Variants in ZNF880 observed in about 807,000 individuals in gnomAD.
ZNF880 encodes the protein zinc finger protein LOC400713.
A neutral mutation model predicts 11.8 loss-of-function variants in ZNF880; 12 were observed. The observed-to-expected ratio is 1.02, with a 90% CI of 0.65 to 1.65. The LOEUF is 1.65. Among genes scored for constraint, ZNF880 ranks in the 40% most tolerant of loss-of-function variants. ZNF880 has a pLI of 0.00. For missense variants in ZNF880, 601 were observed against 673.9 expected, an observed-to-expected ratio of 0.89 and a Z score of 1.20; for synonymous variants, 210 against 232.4, an observed-to-expected ratio of 0.90 and a Z score of 0.88.
chr19:52,383,504 G>A (rs928817324), intron 3 of ZNF880, among the ~76,000 whole-genome samples: 4 of 152,148 alleles, frequency 2.6e-5, no homozygotes, highest in Admixed American at 6.6e-5. Context: ...TTTTCCTGGC[G>A]TGTGGAAGTA....
chr19:52,382,298 A>G (rs1248149716), intron 3 of ZNF880, among the ~76,000 whole-genome samples: 1 of 152,162 alleles, frequency 6.6e-6, no homozygotes, highest in Non-Finnish European at 1.5e-5. Context: ...AAAAACCATT[A>G]AAAGTCAAGT....
At chr19:52,380,937 CA>C (rs1272971088) in intron 3 of ZNF880, among the ~76,000 whole-genome samples, 3 of 152,106 alleles carry the variant, frequency 2.0e-5, no homozygotes, top group African/African-American at 7.2e-5. Context: ...CTCAGCCTTG[CA>C]AAGTGTTGGA....
the ZNF880 span, chr19:52,392,855 GCT>G: frequency 5.9e-6 from 1 of 169,112 alleles, no homozygotes; most frequent in African/African-American, 2.4e-5. Flanking sequence ...ACAGGGTCTT[GCT>G]CTGTTAGCCA....
At chr19:52,386,190 A>C (rs1986883601), downstream of ZNF880, among the ~76,000 whole-genome samples, 1 of 136,074 alleles carries the variant, frequency 7.3e-6, no homozygotes, top group African/African-American at 3.0e-5. Context: ...AAAAAAAAAG[A>C]AAGAAAAAGA....
the ZNF880 span, chr19:52,395,394 G>A: frequency 6.6e-6 from 1 of 152,202 alleles, no homozygotes; most frequent in Non-Finnish European, 1.5e-5. Context: ...AGTTGAGGAA[G>A]TTTCCCATGA....
chr19:52,376,886 A>G (rs1238635472), intron 3 of ZNF880, among the ~76,000 whole-genome samples: 1 of 152,060 alleles, frequency 6.6e-6, no homozygotes, highest in Middle Eastern at 3.2e-3. Context: ...TCTGGATATT[A>G]GTCCTTTGTC....
At chr19:52,388,282 CTTTTTTTTTT>C (rs68179783), downstream of ZNF880, among the ~76,000 whole-genome samples, 166 of 63,416 alleles carry the variant, frequency 2.6e-3, 8 homozygotes, top group African/African-American at 0.013. Context: ...GCAATTTGAA[CTTTTTTTTTT>C]TTTTTTTTTT....
chr19:52,370,218 T>G, intron 1 of ZNF880: 2 of 566,914 alleles, frequency 3.5e-6, no homozygotes, highest in South Asian at 2.1e-5. Context: ...GTCGCGGAGT[T>G]TGCCTGCTTC....
At position 52,383,841 on chromosome 19, in the gene ZNF880, T is replaced by C. The variant is rs1334938944; in HGVS notation, c.269-8T>C. On this transcript the variant is annotated splice_polypyrimidine_tract_variant and splice_region_variant and intron_variant, in intron 3 of 3. Coordinates refer to ENST00000422689, the MANE Select transcript of ZNF880 (RefSeq NM_001145434.2). ...GGTTGAAGTTCCACTTTTTTCTTTC[T>C]TTTTTAGAGAGCAGCTCTAAATTGG... 2.0e-6 allele frequency: 3 copies of C among 1,516,308 alleles called. No homozygotes were observed. Among genetic ancestry groups the C allele is most frequent in the South Asian group, 2.6e-5 (2 of 76,616 alleles). 93.9% of individuals were successfully genotyped at this position (1,516,308 alleles called of 1,614,324 possible). A position where few individuals can be genotyped will look rare whatever the true frequency, so the allele number is the denominator to read the frequency against.
intron 3 of ZNF880, among the ~76,000 whole-genome samples, chr19:52,382,478 C>T (rs997415208): frequency 6.6e-6 from 1 of 152,038 alleles, no homozygotes; most frequent in African/African-American, 2.4e-5. Flanking sequence ...AATACTAATG[C>T]ACTCCCTCAG....
At position 52,385,332 on chromosome 19, in the gene ZNF880, C is replaced by A. The variant is rs922939007; in HGVS notation, c.*18C>A. ...ACAGATGAAATGTGTGTGGTAAGAT[C>A]TTTAGTAATAATTCACACCTTGCAC... On this transcript the variant is annotated 3_prime_UTR_variant, in exon 4 of 4. Transcript: ENST00000422689. 1 of 1,547,124 alleles carries A rather than the reference C, an allele frequency of 6.5e-7. No individual in the cohort carries two copies. Among genetic ancestry groups the A allele is most frequent in the East Asian group, 2.4e-5 (1 of 40,826 alleles).
In ZNF880 at chr19:52,382,279, AAAAC is replaced by A. The variant is rs367659026; in HGVS notation, c.269-1562_269-1559del. On this transcript the variant is annotated intron_variant, in intron 3 of 3. Coordinates refer to ENST00000422689, the MANE Select transcript of ZNF880 (RefSeq NM_001145434.2). ...GTGACAGAGCAAGACTCTGTCTCAA[AAAAC>A]AAACAAAAACCATTAAAAGTCAAGT... Among the ~76,000 whole-genome samples the A allele has an allele frequency of 1.1e-3, 174 of 152,284 alleles. 1 individual carries two copies. Among genetic ancestry groups the A allele is most frequent in the African/African-American group, 3.8e-3 (158 of 41,554 alleles).
chr19:52,381,954 A>G (rs1401512192), intron 3 of ZNF880, among the ~76,000 whole-genome samples: 1 of 152,190 alleles, frequency 6.6e-6, no homozygotes, highest in Non-Finnish European at 1.5e-5. Flanking sequence ...GAGAAAAAGC[A>G]GGGATTCTTA....
chr19:52,395,589 G>A, the ZNF880 span: 6 of 152,236 alleles, frequency 3.9e-5, no homozygotes, highest in African/African-American at 1.4e-4. Flanking sequence ...CATACAGATC[G>A]GCAGATACCT....
the ZNF880 span, among the ~76,000 whole-genome samples, chr19:52,393,696 C>T: frequency 0.29 from 43,991 of 151,508 alleles, 6,593 homozygotes; most frequent in Middle Eastern, 0.37. Flanking sequence ...ATTCATATTG[C>T]TTTACATGGA....
chr19:52,378,024 C>T (rs923961736), intron 3 of ZNF880, among the ~76,000 whole-genome samples: 1 of 152,082 alleles, frequency 6.6e-6, no homozygotes, highest in African/African-American at 2.4e-5. Flanking sequence ...TCTCCAGCCC[C>T]TCTTCCCTTC....
rs768948786 is a variant in ZNF880, at chr19:52,384,440, A to G, written c.860A>G (p.His287Arg). 3.7e-6 allele frequency: 6 copies of G among 1,614,072 alleles called. No homozygotes were observed. The highest frequency in any genetic ancestry group is 1.3e-5 in the African/African-American group (1 of 74,936). The change falls in exon 4 of 4, where the codon CAC (histidine) becomes CGC (arginine). Residue 287 changes from histidine (H) to arginine (R), a missense_variant. Transcript: ENST00000422689. ...CAAAATTCTCACCTTGCAAATCATCACAGAATCCACACTGGAGAGAAACCT... is the reference window on the plus strand; with the variant it reads ...CAAAATTCTCACCTTGCAAATCATCGCAGAATCCACACTGGAGAGAAACCT... ...FTQNSHLANH[H>R]RIHTGEKPYK... is the part of the protein sequence containing the mutation.
rs763850094 is a variant in ZNF880 at position 52,384,674 on chromosome 19, C to T, written c.1094C>T (p.Ala365Val). 1 of 1,611,834 alleles carries T rather than the reference C, an allele frequency of 6.2e-7. No homozygotes were observed. Among genetic ancestry groups the T allele is most frequent in the Non-Finnish European group, 8.5e-7 (1 of 1,178,860 alleles). The change falls in exon 4 of 4, where the codon GCA (alanine) becomes GTA (valine). Residue 365 changes from alanine to valine, a missense_variant. Coordinates refer to ENST00000422689, the MANE Select transcript of ZNF880 (RefSeq NM_001145434.2). ...NKCGKVFNRN[A>V]HLTRHQRIHT... ...TGTGGCAAGGTCTTCAATCGAAATG[C>T]ACACCTTACCAGACATCAAAGAATC...
chr19:52,384,724 T>C lies in ZNF880; in HGVS notation c.1144T>C (p.Cys382Arg), dbSNP rs1325955260. 1 of 1,613,352 alleles carries C rather than the reference T, an allele frequency of 6.2e-7. No homozygotes were observed. The highest frequency in any genetic ancestry group is 8.5e-7 in the Non-Finnish European group (1 of 1,179,854). The change falls in exon 4 of 4, where the codon TGT becomes CGT. Residue 382 changes from cysteine to arginine, a missense_variant. Physicochemically the swap from Cys to Arg is radical, Grantham distance 180 (BLOSUM62 -3). Coordinates refer to ENST00000422689, the MANE Select transcript of ZNF880 (RefSeq NM_001145434.2). ...RIHTGEKPYECKECGKVFRHK... is the reference protein window; with the variant it reads ...RIHTGEKPYERKECGKVFRHK... ...CCATACTGGAGAGAAACCTTATGAA[T>C]GTAAAGAATGTGGCAAGGTCTTCAG...
Sources: allele counts gnomAD v4.1 joint callset (sites outside exome capture counted in the v4.1 genomes callset), GRCh38; gene constraint gnomAD v4.1.1; transcripts MANE v1.5; gene names NCBI Gene and HGNC (gene_info 2026-07-23, HGNC 2026-07-21).